PRLR: variants seen among roughly 807,000 people sequenced by gnomAD.
The protein encoded by PRLR is prolactin receptor.
In PRLR, 13 loss-of-function variants were observed where a neutral mutation model predicts 40.2. The observed-to-expected ratio is 0.32, with a 90% CI of 0.21 to 0.51. The LOEUF is 0.51. Among genes scored for constraint, PRLR ranks in the 20% least tolerant of loss-of-function variants. PRLR has a pLI of 0.97. For missense variants in PRLR, 656 were observed against 747.3 expected (o/e 0.88, Z 1.42); for synonymous variants, 269 against 278.7 (o/e 0.97, Z 0.35).
At chr5:35,098,888 G>A (rs1771693726) in intron 2 of PRLR, among the ~76,000 whole-genome samples, 1 of 152,122 alleles carries the variant, frequency 6.6e-6, no homozygotes, top group Non-Finnish European at 1.5e-5. Context: ...TAACACATGG[G>A]GAAACTGAGG....
chr5:35,109,326 C>A (rs768005561), intron 2 of PRLR, among the ~76,000 whole-genome samples: 46 of 152,170 alleles, frequency 3.0e-4, no homozygotes, highest in Non-Finnish European at 2.6e-4. Context: ...TCATGACTAA[C>A]ACACCAAAAG....
chr5:35,178,138 TC>T lies in PRLR; in HGVS notation c.-106+52129del, dbSNP rs137963334. ...ATTTTTTGAGAAATGTCTGTTCAGA[TC>T]ACTTTGCCCATTGTTAAACTGGGTT... On this transcript the variant is annotated intron_variant, in intron 1 of 9. Coordinates refer to ENST00000618457, the MANE Select transcript of PRLR (RefSeq NM_000949.7). 3.9e-3 allele frequency among the ~76,000 whole-genome samples: 595 copies of T among 152,316 alleles called. 1 individual carries two copies. The highest frequency in any genetic ancestry group is 0.013 in the African/African-American group (551 of 41,580).
chr5:35,123,085 T>C (rs556870549), intron 1 of PRLR, among the ~76,000 whole-genome samples: 9 of 152,276 alleles, frequency 5.9e-5, no homozygotes, highest in South Asian at 2.1e-4. Context: ...GGGTGCCAAC[T>C]ACAAGGGGTA....
At chr5:35,074,989 A>G (rs1195728312) in intron 5 of PRLR, among the ~76,000 whole-genome samples, 1 of 152,130 alleles carries the variant, frequency 6.6e-6, no homozygotes, top group African/African-American at 2.4e-5. Context: ...ATGGGGAAAG[A>G]GTGACTGTAA....
chr5:35,058,913 T>C lies in PRLR; in HGVS notation c.*6176A>G, dbSNP rs1178352853. ...TTTCATTTCTAAACTATAAGCAGCT[T>C]TGAAGGAAGGACATTAGGACACAAA... On this transcript the variant is annotated 3_prime_UTR_variant, in exon 10 of 10. Coordinates refer to ENST00000618457, the MANE Select transcript of PRLR (RefSeq NM_000949.7). The C allele has an allele frequency of 6.6e-6, 1 of 152,116 alleles. No homozygotes were observed. Among genetic ancestry groups the C allele is most frequent in the African/African-American group, 2.4e-5 (1 of 41,428 alleles). 9.4% of individuals were successfully genotyped at this position (152,116 alleles called of 1,614,324 possible).
intron 2 of PRLR, among the ~76,000 whole-genome samples, chr5:35,099,299 T>G (rs554945312): frequency 6.6e-6 from 1 of 152,248 alleles, no homozygotes; most frequent in East Asian, 1.9e-4. Flanking sequence ...AAGATGACAA[T>G]GGGGCTGAAA....
At chr5:35,170,083 G>GA (rs1774954964) in intron 1 of PRLR, among the ~76,000 whole-genome samples, 2 of 152,172 alleles carry the variant, frequency 1.3e-5, no homozygotes, top group Non-Finnish European at 2.9e-5. Context: ...GCAAATTTTG[G>GA]TTTAGTCAAG....
intron 1 of PRLR, among the ~76,000 whole-genome samples, chr5:35,198,750 T>C (rs937757776): frequency 1.3e-5 from 2 of 152,204 alleles, no homozygotes; most frequent in Non-Finnish European, 2.9e-5. Context: ...TTTCCACCAC[T>C]AGAAAGCACT....
intron 1 of PRLR, among the ~76,000 whole-genome samples, chr5:35,131,693 T>C (rs1773685974): frequency 6.6e-6 from 1 of 152,138 alleles, no homozygotes; most frequent in Non-Finnish European, 1.5e-5. Flanking sequence ...AGCTTGGAAC[T>C]CTGAACATAT....
chr5:35,049,286 T>C, exon 9 of PRLR: 2 of 703,402 alleles, frequency 2.8e-6, no homozygotes, highest in Non-Finnish European at 5.2e-6. Context: ...GCTCTTCAGC[T>C]CTACTGGACT....
At chr5:35,106,686 TATACATGCACCCA>T (rs1772276977) in intron 2 of PRLR, among the ~76,000 whole-genome samples, 1 of 152,192 alleles carries the variant, frequency 6.6e-6, no homozygotes. Context: ...CTATCCTAAA[TATACATGCACCCA>T]ATACAGGAGC....
At chr5:35,139,040 T>C (rs1217120388) in intron 1 of PRLR, among the ~76,000 whole-genome samples, 3 of 152,162 alleles carry the variant, frequency 2.0e-5, no homozygotes, top group Non-Finnish European at 4.4e-5. Context: ...AAATTTGATA[T>C]GGGAGAGGGA....
chr5:35,148,703 T>C (rs1290128699), intron 1 of PRLR, among the ~76,000 whole-genome samples: 1 of 152,166 alleles, frequency 6.6e-6, no homozygotes, highest in Non-Finnish European at 1.5e-5. Context: ...TCCTTCCTTC[T>C]CTTAGAAACG....
downstream of PRLR, among the ~76,000 whole-genome samples, chr5:35,050,887 G>A (rs1389424728): frequency 1.3e-5 from 2 of 152,196 alleles, no homozygotes; most frequent in Non-Finnish European, 2.9e-5. Flanking sequence ...TCATATTACA[G>A]GTGTTCCATT....
chr5:35,203,469 T>C (rs71615848), intron 1 of PRLR, among the ~76,000 whole-genome samples: 22,574 of 152,104 alleles, frequency 0.15, 2,493 homozygotes, highest in African/African-American at 0.31. Context: ...CAGGGAAAGA[T>C]AGTTGGAATT....
chr5:35,080,342 A>G (rs1164291359), intron 5 of PRLR, among the ~76,000 whole-genome samples: 3 of 152,256 alleles, frequency 2.0e-5, no homozygotes, highest in Admixed American at 2.0e-4. Flanking sequence ...CACGTTTACA[A>G]GAAAAAAATC....
At chr5:35,052,069 G>A (rs1360488380), downstream of PRLR, among the ~76,000 whole-genome samples, 1 of 152,010 alleles carries the variant, frequency 6.6e-6, no homozygotes, top group Non-Finnish European at 1.5e-5. Context: ...AAAACTGATA[G>A]AATTATAATA....
intron 1 of PRLR, among the ~76,000 whole-genome samples, chr5:35,155,742 A>G (rs558935224): frequency 4.7e-4 from 71 of 152,348 alleles, no homozygotes; most frequent in Non-Finnish European, 8.4e-4. Flanking sequence ...AGCTAGAACC[A>G]GGGCTTATTC....
intron 1 of PRLR, among the ~76,000 whole-genome samples, chr5:35,222,211 G>A (rs1213001361): frequency 6.6e-6 from 1 of 152,122 alleles, no homozygotes; most frequent in African/African-American, 2.4e-5. Flanking sequence ...GCTGAGGCAG[G>A]AGACTAGCTT....
Sources: allele counts gnomAD v4.1 joint callset (sites outside exome capture counted in the v4.1 genomes callset), GRCh38; gene constraint gnomAD v4.1.1; transcripts MANE v1.5; gene names NCBI Gene and HGNC (gene_info 2026-07-23, HGNC 2026-07-21).